Variants in GLIS3 observed in about 807,000 individuals in gnomAD.
GLIS3 encodes the protein GLIS family zinc finger 3.
GLIS3 carries 53 observed loss-of-function variants against 78.6 expected under a neutral mutation model. The ratio of observed to expected loss-of-function variants is 0.67; its 90% confidence interval spans 0.54 to 0.85. GLIS3 has a LOEUF of 0.85. Among genes scored for constraint, GLIS3 ranks in the 40% least tolerant of loss-of-function variants. The probability of loss-of-function intolerance (pLI) is 0.00; values close to 1 mark genes in which losing one functional copy is unlikely to be tolerated. For synonymous variants in GLIS3, 684 were observed against 509.9 expected (o/e 1.34, Z -4.60); for missense variants, 1,703 against 1,231.1 (o/e 1.38, Z -5.74).
the GLIS3 span, among the ~76,000 whole-genome samples, chr9:4,417,447 T>A: frequency 3.0e-4 from 46 of 152,376 alleles, 2 homozygotes; most frequent in East Asian, 6.0e-3. Flanking sequence ...TTCTACTTAA[T>A]GTATCTTGGC....
chr9:4,049,738 A>C (rs1421519086), intron 4 of GLIS3, among the ~76,000 whole-genome samples: 1 of 152,198 alleles, frequency 6.6e-6, no homozygotes, highest in Non-Finnish European at 1.5e-5. Flanking sequence ...AAAGAACTCA[A>C]ACAAATTTAC....
chr9:4,392,853 C>T, the GLIS3 span, among the ~76,000 whole-genome samples: 4 of 151,978 alleles, frequency 2.6e-5, no homozygotes, highest in Non-Finnish European at 4.4e-5. Context: ...ACATAGATGC[C>T]CTTTGCCAGA....
At chr9:3,966,730 G>A (rs952156107) in intron 4 of GLIS3, among the ~76,000 whole-genome samples, 15 of 151,520 alleles carry the variant, frequency 9.9e-5, no homozygotes, top group Admixed American at 7.9e-4. Flanking sequence ...GGGAGGTGGT[G>A]TGAGCTGAGA....
chr9:4,462,352 T>C, the GLIS3 span, among the ~76,000 whole-genome samples: 7 of 152,170 alleles, frequency 4.6e-5, no homozygotes, highest in East Asian at 1.3e-3. Context: ...GGTGAAATTG[T>C]CTTGTTGAAT....
intron 2 of GLIS3, among the ~76,000 whole-genome samples, chr9:4,248,865 G>GT (rs1824070593): frequency 6.6e-6 from 1 of 152,002 alleles, no homozygotes; most frequent in Admixed American, 6.6e-5. Context: ...TTTCATGTTT[G>GT]TTGGCCACAT....
chr9:3,920,754 C>T (rs549442026), intron 6 of GLIS3, among the ~76,000 whole-genome samples: 2 of 152,018 alleles, frequency 1.3e-5, no homozygotes, highest in African/African-American at 4.8e-5. Flanking sequence ...GTCCTTTGCA[C>T]TATTATCTCA....
intron 2 of GLIS3, among the ~76,000 whole-genome samples, chr9:4,134,780 C>T (rs1208229734): frequency 6.6e-6 from 1 of 152,210 alleles, no homozygotes; most frequent in African/African-American, 2.4e-5. Context: ...ATGCCCTTCT[C>T]TGTCAAAGTA....
At chr9:4,105,635 G>C (rs979610148) in intron 4 of GLIS3, among the ~76,000 whole-genome samples, 7 of 152,154 alleles carry the variant, frequency 4.6e-5, no homozygotes, top group African/African-American at 9.7e-5. Context: ...CTGTGGTCTA[G>C]TGACATTCAT....
intron 2 of GLIS3, among the ~76,000 whole-genome samples, chr9:4,249,896 G>A (rs984011451): frequency 6.6e-6 from 1 of 152,136 alleles, no homozygotes; most frequent in Non-Finnish European, 1.5e-5. Flanking sequence ...TTTGTCATAG[G>A]TTCTGTTTAT....
intron 2 of GLIS3, among the ~76,000 whole-genome samples, chr9:4,205,721 G>A (rs1819815978): frequency 6.6e-6 from 1 of 152,166 alleles, no homozygotes; most frequent in African/African-American, 2.4e-5. Context: ...TCAGTTACAT[G>A]AGACAAGAAT....
chr9:3,830,170 T>C (rs1345391003), intron 9 of GLIS3, among the ~76,000 whole-genome samples: 1 of 152,124 alleles, frequency 6.6e-6, no homozygotes, highest in Non-Finnish European at 1.5e-5. Context: ...AAAATAATCA[T>C]CAACCTTTTG....
At chr9:4,211,396 G>C (rs1250869845) in intron 2 of GLIS3, among the ~76,000 whole-genome samples, 4 of 152,194 alleles carry the variant, frequency 2.6e-5, no homozygotes, top group Non-Finnish European at 4.4e-5. Flanking sequence ...ACTCAGTGCA[G>C]AAAGAGATCT....
At chr9:4,123,306 T>C (rs922801573) in intron 3 of GLIS3, among the ~76,000 whole-genome samples, 3 of 152,156 alleles carry the variant, frequency 2.0e-5, no homozygotes, top group African/African-American at 7.2e-5. Flanking sequence ...ACAGGCACTC[T>C]CTTGGACTGC....
intron 1 of GLIS3, among the ~76,000 whole-genome samples, chr9:4,294,905 T>C (rs537753392): frequency 1.3e-5 from 2 of 152,346 alleles, no homozygotes; most frequent in South Asian, 4.1e-4. Context: ...AAATATACAA[T>C]TATAACCCAC....
At chr9:4,352,340 G>A (rs936210144), upstream of GLIS3, among the ~76,000 whole-genome samples, 5 of 152,218 alleles carry the variant, frequency 3.3e-5, no homozygotes, top group Non-Finnish European at 7.3e-5. Context: ...AAATTACACT[G>A]AGCCCTTTGT....
intron 2 of GLIS3, among the ~76,000 whole-genome samples, chr9:4,253,813 C>A (rs574391376): frequency 2.0e-5 from 3 of 152,274 alleles, no homozygotes; most frequent in African/African-American, 7.2e-5. Flanking sequence ...CTGGAATGCA[C>A]CATTCCTCAC....
intron 2 of GLIS3, among the ~76,000 whole-genome samples, chr9:4,265,958 G>A (rs757630142): frequency 2.7e-5 from 4 of 146,448 alleles, no homozygotes; most frequent in Admixed American, 7.0e-5. Flanking sequence ...TCACTCTATC[G>A]CCCAGGCTGG....
intron 4 of GLIS3, among the ~76,000 whole-genome samples, chr9:4,091,532 A>C (rs951029841): frequency 1.3e-5 from 1 of 79,704 alleles, no homozygotes; most frequent in East Asian, 6.1e-4. Flanking sequence ...CGTGCACACA[A>C]ACACACACAC....
chr9:4,093,057 T>C (rs932779990), intron 4 of GLIS3, among the ~76,000 whole-genome samples: 2 of 152,308 alleles, frequency 1.3e-5, no homozygotes, highest in Admixed American at 6.5e-5. Flanking sequence ...TATGTGTACA[T>C]AGCCACTCTT....
Sources: gnomAD v4.1 joint callset for allele counts (sites outside exome capture counted in the v4.1 genomes callset) on GRCh38, gnomAD v4.1.1 for gene constraint, MANE v1.5 for transcripts, NCBI Gene and HGNC (gene_info 2026-07-23, HGNC 2026-07-21) for gene names.